Variants in PLB1 observed in about 807,000 individuals in gnomAD.
PLB1 encodes phospholipase B1.
A neutral mutation model predicts 227.4 loss-of-function variants in PLB1; 242 were observed. The ratio of observed to expected loss-of-function variants is 1.06; its 90% CI spans 0.96 to 1.18. The LOEUF is 1.18. Ranked by LOEUF, PLB1 falls within the 50% of genes most tolerant of loss-of-function variation. The pLI is 0.00. For synonymous variants in PLB1, 757 were observed against 682.2 expected (o/e 1.11, Z -1.71); for missense variants, 1,858 against 1,816.3 (o/e 1.02, Z -0.42).
chr2:28,598,564 C>T, intron 34 of PLB1, 88 bp from the exon 35 acceptor site: 3 of 1,037,816 alleles, frequency 2.9e-6, no homozygotes, highest in South Asian at 1.3e-5. Context: ...ACACAGCCCA[C>T]TTTGGGGACC....
chr2:28,568,303 C>T lies in PLB1; in HGVS notation c.1324+1464C>T, dbSNP rs192160104. 1.4e-3 allele frequency among the ~76,000 whole-genome samples: 215 copies of T among 152,282 alleles called. 1 individual carries two copies. Among genetic ancestry groups the T allele is most frequent in the African/African-American group, 4.8e-3 (199 of 41,532 alleles). On this transcript the variant is annotated intron_variant, in intron 20 of 57. Coordinates refer to ENST00000327757, the MANE Select transcript of PLB1 (RefSeq NM_153021.5). ...TTCTGGGCTCTTTACTTCCCATGCT[C>T]GTATTATGGACAAGATAATTGGATA...
At chr2:28,620,574 T>C in intron 47 of PLB1, 26 bp from the exon 48 acceptor site, 1 of 1,604,288 alleles carries the variant, frequency 6.2e-7, no homozygotes, top group Non-Finnish European at 8.5e-7. Flanking sequence ...GGTGTGAGTT[T>C]AACAAATATG....
chr2:28,504,094 A>G (rs907173444), intron 1 of PLB1, among the ~76,000 whole-genome samples: 2 of 152,130 alleles, frequency 1.3e-5, no homozygotes, highest in African/African-American at 4.8e-5. Flanking sequence ...ATTCTCAACC[A>G]GTATCTCTTG....
chr2:28,602,015 G>A (rs758169770), intron 38 of PLB1, 51 bp downstream of exon 38: 46 of 1,469,506 alleles, frequency 3.1e-5, no homozygotes, highest in Non-Finnish European at 4.4e-5. Context: ...TGGTGAGGGT[G>A]AAGGTGGATG....
intron 25 of PLB1, among the ~76,000 whole-genome samples, chr2:28,584,464 C>T (rs1214363745): frequency 1.3e-5 from 2 of 152,256 alleles, no homozygotes; most frequent in Non-Finnish European, 1.5e-5. Context: ...CACTGGGCCA[C>T]ACAGGGGATC....
chr2:28,638,827 GAAAAAAAAA>G (rs35972276), intron 56 of PLB1, among the ~76,000 whole-genome samples: 5 of 63,612 alleles, frequency 7.9e-5, no homozygotes, highest in Admixed American at 1.9e-4. Context: ...GCTGGAGATT[GAAAAAAAAA>G]AAAAAAAAAA....
Position 28,598,023 on chromosome 2 carries a change from C to T in PLB1, c.2340C>T (p.Ser780=). Residue 780 remains serine, a synonymous_variant, in exon 34 of 58, where the codon TCC becomes TCT. Coordinates refer to ENST00000327757, the MANE Select transcript of PLB1 (RefSeq NM_153021.5). ...GLSYSAGGDG[S]LENVTTLPNI... ...CCTACAGTGCAGGAGGGGACGGCTC[C>T]CTGGAGAATGTGACCACCTTACCTA... The T allele has an allele frequency of 6.2e-7, 1 of 1,613,368 alleles. No individual in the cohort carries two copies.
intron 9 of PLB1, among the ~76,000 whole-genome samples, chr2:28,534,656 C>G (rs1297044779): frequency 6.6e-6 from 1 of 152,062 alleles, no homozygotes; most frequent in African/African-American, 2.4e-5. Context: ...GAGTTTGAGA[C>G]CAGCCTGGCC....
chr2:28,594,078 A>G (rs775311546), intron 33 of PLB1: 7 of 653,394 alleles, frequency 1.1e-5, no homozygotes, highest in African/African-American at 3.6e-5. Context: ...GCTTGCATGT[A>G]TACGTGTACA....
At chr2:28,606,053 T>C in intron 42 of PLB1, 105 bp downstream of exon 42, 1 of 886,562 alleles carries the variant, frequency 1.1e-6, no homozygotes, top group South Asian at 1.5e-5. Context: ...GGGCAGTGGC[T>C]GGTACATCTA....
intron 29 of PLB1, among the ~76,000 whole-genome samples, chr2:28,590,442 C>T (rs552442745): frequency 3.3e-5 from 5 of 152,226 alleles, no homozygotes; most frequent in African/African-American, 9.6e-5. Context: ...CTTCATATAG[C>T]CCCTGCCTCC....
intron 17 of PLB1, among the ~76,000 whole-genome samples, chr2:28,556,542 TATCATGCTCC>T (rs1375363047): frequency 6.6e-6 from 1 of 152,208 alleles, no homozygotes; most frequent in Non-Finnish European, 1.5e-5. Context: ...TAAACACTCA[TATCATGCTCC>T]ATTGCTAGAC....
At chr2:28,587,971 TC>T (rs1451599282) in intron 26 of PLB1, among the ~76,000 whole-genome samples, 1 of 152,076 alleles carries the variant, frequency 6.6e-6, no homozygotes, top group Admixed American at 6.6e-5. Context: ...GGCCAGATGT[TC>T]CCAGGGCTGA....
At chr2:28,498,392 T>C (rs1400295416) in intron 1 of PLB1, among the ~76,000 whole-genome samples, 1 of 147,446 alleles carries the variant, frequency 6.8e-6, no homozygotes, top group African/African-American at 2.4e-5. Flanking sequence ...ATAATCAAAA[T>C]ATTGTGTTCA....
At position 28,636,049 on chromosome 2, in the gene PLB1, G is replaced by GTGTGTGTA. The variant is rs1553467847; in HGVS notation, c.4098+3013_4098+3014insGTGTATGT. Among the ~76,000 whole-genome samples the GTGTGTGTA allele has an allele frequency of 2.1e-3, 236 of 113,730 alleles. 3 individuals are homozygous for GTGTGTGTA. Among genetic ancestry groups the GTGTGTGTA allele is most frequent in the African/African-American group, 6.3e-3 (215 of 34,162 alleles). 74.6% of individuals were successfully genotyped at this position (113,730 alleles called of 152,430 possible). ...TGTGTATGTGTGTGTGTGTATGTAT[G>GTGTGTGTA]TGTATGTGTGTATGTATGTATGTAT... is the stretch of plus-strand genomic sequence containing the variant. On this transcript the variant is annotated intron_variant, in intron 56 of 57. Coordinates refer to ENST00000327757, the MANE Select transcript of PLB1 (RefSeq NM_153021.5).
chr2:28,592,840 T>TTGGATTGACAGAGCCAG, intron 32 of PLB1, 121 bp downstream of exon 32: 2 of 868,980 alleles, frequency 2.3e-6, no homozygotes, highest in Non-Finnish European at 3.5e-6. Flanking sequence ...TACCTGGCTC[T>TTGGATTGACAGAGCCAG]GTCAATCCAA....
In PLB1 at chr2:28,533,204, A is replaced by C. The variant is rs536568216; in HGVS notation, c.555+1010A>C. On this transcript the variant is annotated intron_variant, in intron 9 of 57. Transcript: ENST00000327757. ...CCACTGACTCCAGGCTCACCGTCAGAACTCCCCTTCCTTTAGTGATGTCAA... is the reference window on the plus strand; with the variant it reads ...CCACTGACTCCAGGCTCACCGTCAGCACTCCCCTTCCTTTAGTGATGTCAA... 1.6e-4 allele frequency among the ~76,000 whole-genome samples: 25 copies of C among 152,264 alleles called. No individual in the cohort carries two copies. The South Asian group carries it at 5.2e-3, about 32-fold the overall frequency.
Position 28,550,009 on chromosome 2 carries a change from G to A in PLB1, c.1009-1G>A, listed in dbSNP as rs779453907. ...TTCCAACATGTCACCTTTCCCTGCA[G>A]GAGAGCCCCTATCTGTTCAGCTACA... On this transcript the variant is annotated splice_acceptor_variant, in intron 15 of 57. Transcript: ENST00000327757. LOFTEE classifies it high-confidence loss of function. 1 of 1,612,022 alleles carries A rather than the reference G, an allele frequency of 6.2e-7. No homozygotes were observed. The highest frequency in any genetic ancestry group is 2.2e-5 in the East Asian group (1 of 44,856).
At chr2:28,557,907 G>T (rs1436814646) in intron 17 of PLB1, among the ~76,000 whole-genome samples, 1 of 152,168 alleles carries the variant, frequency 6.6e-6, no homozygotes, top group Non-Finnish European at 1.5e-5. Flanking sequence ...AATGTGATGT[G>T]CTCTATCTTA....
Sources: allele counts gnomAD v4.1 joint callset (sites outside exome capture counted in the v4.1 genomes callset), GRCh38; gene constraint gnomAD v4.1.1; transcripts MANE v1.5; gene names NCBI Gene and HGNC (gene_info 2026-07-23, HGNC 2026-07-21).